Variants in ATG2B observed in about 807,000 individuals in gnomAD.
ATG2B encodes the protein autophagy related 2B, also known as autophagy-related protein 2 homolog B.
In ATG2B, 121 loss-of-function variants were observed where a neutral mutation model predicts 241.3. The observed-to-expected ratio is 0.50, with a 90% CI of 0.43 to 0.58. The LOEUF is 0.58. ATG2B is among the 20% of genes least tolerant of loss of function. The pLI is 0.00. For synonymous variants in ATG2B, 858 were observed against 876.6 expected (o/e 0.98, Z 0.37); for missense variants, 2,306 against 2,491.6 (o/e 0.93, Z 1.59).
At position 96,290,443 on chromosome 14, in the gene ATG2B, G is replaced by C; in HGVS notation, c.5849C>G (p.Thr1950Ser). 1 of 1,614,124 alleles carries C rather than the reference G, an allele frequency of 6.2e-7. No individual in the cohort carries two copies. Among genetic ancestry groups the C allele is most frequent in the Non-Finnish European group, 8.5e-7 (1 of 1,179,996 alleles). The change falls in exon 40 of 42, where the codon ACC becomes AGC. Residue 1950 changes from threonine to serine, a missense_variant. Physicochemically the swap from Thr to Ser is moderately conservative, Grantham distance 58. Transcript: ENST00000359933. The surrounding 1 kb of genome is among the most constrained non-coding windows in gnomAD (Gnocchi z 4.4). ...GGCAGTCTAAAAAGATACCTGTATG[G>C]TTTGAACCATTCTGTTTGTGAGTTC... ...ALELTNRMVQ[T>S]IQAAAETAYD...
At chr14:96,288,012 CT>C (rs3837603) in intron 41 of ATG2B, among the ~76,000 whole-genome samples, 115,658 of 150,216 alleles carry the variant, frequency 0.77, 45,147 homozygotes, top group African/African-American at 0.92. Context: ...CACTTAGGAA[CT>C]TTTTTTTTTT....
At position 96,285,307 on chromosome 14, in the gene ATG2B, T is replaced by C. The variant is rs1222522023; in HGVS notation, c.*448A>G. On this transcript the variant is annotated 3_prime_UTR_variant, in exon 42 of 42. Coordinates refer to ENST00000359933, the MANE Select transcript of ATG2B (RefSeq NM_018036.7). This position sits in a 1 kb window ranked among gnomAD's most constrained non-coding sequence, Gnocchi z 4.2. Reference sequence around the variant, plus strand: ...TTATTTTTCCACACTGATATTTATATTGAAAATCCTATTTGCTTTGCTTCC... The same window carrying C: ...TTATTTTTCCACACTGATATTTATACTGAAAATCCTATTTGCTTTGCTTCC... 6.3e-6 allele frequency: 1 copy of C among 159,412 alleles called. No individual in the cohort carries two copies. The highest frequency in any genetic ancestry group is 2.4e-5 in the African/African-American group (1 of 41,594). 9.9% of individuals were successfully genotyped at this position (159,412 alleles called of 1,614,324 possible).
At chr14:96,287,466 G>A (rs191793651) in intron 41 of ATG2B, among the ~76,000 whole-genome samples, 1 of 152,172 alleles carries the variant, frequency 6.6e-6, no homozygotes, top group African/African-American at 2.4e-5. Context: ...AGTAGAGTAC[G>A]AGGCCGACCA....
chr14:96,281,355 T>G lies in ATG2B; in HGVS notation c.*4400A>C, dbSNP rs1046290862. 6 of 152,228 alleles carry G rather than the reference T, an allele frequency of 3.9e-5. No individual in the cohort carries two copies. Among genetic ancestry groups the G allele is most frequent in the Admixed American group, 2.6e-4 (4 of 15,278 alleles). 9.4% of individuals were successfully genotyped at this position (152,228 alleles called of 1,614,324 possible). On this transcript the variant is annotated 3_prime_UTR_variant, in exon 42 of 42. Transcript: ENST00000359933. ...ACAAGGTACATTTCCACAAAAATAT[T>G]TGTACAGCATCAGTATTCTTATTCA...
intron 22 of ATG2B, 57 bp downstream of exon 22, chr14:96,315,327 G>A: frequency 6.3e-7 from 1 of 1,587,090 alleles, no homozygotes; most frequent in Non-Finnish European, 8.6e-7. Flanking sequence ...TGCCTTTTAT[G>A]TAATTATTTT....
At chr14:96,312,828 C>T (rs901180905) in intron 25 of ATG2B, among the ~76,000 whole-genome samples, 1 of 152,082 alleles carries the variant, frequency 6.6e-6, no homozygotes, top group Non-Finnish European at 1.5e-5. Flanking sequence ...TTTTAAAATG[C>T]AAACTTTTTA....
intron 11 of ATG2B, among the ~76,000 whole-genome samples, chr14:96,330,142 G>A (rs139878905): frequency 0.024 from 3,652 of 151,324 alleles, 155 homozygotes; most frequent in African/African-American, 0.084. Context: ...CTGAGGTCAG[G>A]ACTTCGAGAC....
chr14:96,331,459 CTT>C lies in ATG2B; in HGVS notation c.1645_1646del (p.Lys549AspfsTer2). ...CTGTTGAAAATCTTGCTGGATCAAT[CTT>C]TTCTATACAAGTAAAGAAAGCTACT... ...MAVAFFTCIEKIDPARFSTED... is the reference protein window; with the variant it reads ...MAVAFFTCIEXIDPARFSTED... On this transcript the variant is annotated frameshift_variant, in exon 11 of 42. Transcript: ENST00000359933. LOFTEE classifies it high-confidence loss of function. 1 of 1,614,060 alleles carries C rather than the reference CTT, an allele frequency of 6.2e-7. No homozygotes were observed. The highest frequency in any genetic ancestry group is 2.2e-5 in the East Asian group (1 of 44,852).
chr14:96,320,989 T>C (rs1254668371), intron 18 of ATG2B, among the ~76,000 whole-genome samples: 1 of 152,028 alleles, frequency 6.6e-6, no homozygotes, highest in Non-Finnish European at 1.5e-5. Flanking sequence ...AAAACAAATA[T>C]AAAAATATAA....
rs1886882207 is a variant in ATG2B, at chr14:96,304,598, G to A, written c.4739C>T (p.Pro1580Leu). 1.3e-6 allele frequency: 2 copies of A among 1,580,356 alleles called. No individual in the cohort carries two copies. Among genetic ancestry groups the A allele is most frequent in the East Asian group, 2.2e-5 (1 of 44,544 alleles). ...GGGTGTGTGAGAAGGCGAACTGTGG[G>A]GACTACTAAAAATGAGCAAAAAAAA... is the stretch of plus-strand genomic sequence containing the variant. ...PTSPAKSYIS[P>L]HSSPSHTPTR... Residue 1580 changes from proline to leucine, a missense_variant, in exon 32 of 42, where the codon CCC becomes CTC. This residue lies in a region of ATG2B where 1,927 missense variants were observed against 2,011.2 expected (regional missense o/e 0.96). Coordinates refer to ENST00000359933, the MANE Select transcript of ATG2B (RefSeq NM_018036.7).
At chr14:96,302,379 T>C (rs1248678084) in intron 33 of ATG2B, among the ~76,000 whole-genome samples, 1 of 151,738 alleles carries the variant, frequency 6.6e-6, no homozygotes. Context: ...AGTTCAGGAG[T>C]TCCAGACCAG....
At chr14:96,328,925 C>T (rs184980980) in intron 12 of ATG2B, among the ~76,000 whole-genome samples, 159 bp from the exon 13 acceptor site, 4 of 152,290 alleles carry the variant, frequency 2.6e-5, no homozygotes, top group Admixed American at 2.0e-4. Flanking sequence ...AGTTAGTTAA[C>T]TCATGTGATA....
chr14:96,285,718 C>T lies in ATG2B; in HGVS notation c.*37G>A. On this transcript the variant is annotated 3_prime_UTR_variant, in exon 42 of 42. Coordinates refer to ENST00000359933, the MANE Select transcript of ATG2B (RefSeq NM_018036.7). The surrounding 1 kb of genome is among the most constrained non-coding windows in gnomAD (Gnocchi z 4.2). ...CTGTCAGGACTCTGAGCTCCTGGTT[C>T]CACTCTCCTTATCTTCACACTGTCA... 1 of 1,589,008 alleles carries T rather than the reference C, an allele frequency of 6.3e-7. No individual in the cohort carries two copies. The highest frequency in any genetic ancestry group is 8.6e-7 in the Non-Finnish European group (1 of 1,159,436).
At chr14:96,303,621 CCTAA>C (rs1409790725) in intron 32 of ATG2B, among the ~76,000 whole-genome samples, 4 of 152,014 alleles carry the variant, frequency 2.6e-5, no homozygotes, top group Admixed American at 6.5e-5. Context: ...TCTTACTATG[CCTAA>C]CTTAGAAATT....
At chr14:96,310,260 G>A (rs3809424) in intron 28 of ATG2B, among the ~76,000 whole-genome samples, 50,609 of 151,978 alleles carry the variant, frequency 0.33, 8,951 homozygotes, top group African/African-American at 0.44. Context: ...TCACCTTATC[G>A]TGAGAATACA....
intron 1 of ATG2B, among the ~76,000 whole-genome samples, chr14:96,348,356 A>T (rs541280433): frequency 6.6e-6 from 1 of 152,252 alleles, no homozygotes; most frequent in African/African-American, 2.4e-5. Flanking sequence ...GGTAGCAGGG[A>T]TGGTTAATGG....
At chr14:96,315,791 G>T (rs868665938) in intron 21 of ATG2B, among the ~76,000 whole-genome samples, 5 of 152,146 alleles carry the variant, frequency 3.3e-5, no homozygotes, top group Non-Finnish European at 7.4e-5. Context: ...AGAAACAAAA[G>T]ATTCTGAAAT....
At chr14:96,296,202 T>C (rs921096794) in intron 34 of ATG2B, among the ~76,000 whole-genome samples, 5 of 152,354 alleles carry the variant, frequency 3.3e-5, no homozygotes, top group African/African-American at 4.8e-5. Flanking sequence ...ACTTAACTTC[T>C]GCTTTTCATA....
intron 1 of ATG2B, among the ~76,000 whole-genome samples, chr14:96,351,562 C>G (rs1003991633): frequency 6.6e-6 from 1 of 152,014 alleles, no homozygotes; most frequent in South Asian, 2.1e-4. Flanking sequence ...ATGGTGAAAC[C>G]CTGTCTCTAC....
Sources: allele counts gnomAD v4.1 joint callset (sites outside exome capture counted in the v4.1 genomes callset), GRCh38; gene constraint gnomAD v4.1.1; regional missense constraint gnomAD v4.1.1; non-coding constraint Gnocchi (gnomAD v3.1); transcripts MANE v1.5; gene names NCBI Gene and HGNC (gene_info 2026-07-23, HGNC 2026-07-21).